The following MSI2 variants were observed in gnomAD, a reference collection of about 807,000 sequenced individuals.
The protein encoded by MSI2 is musashi RNA binding protein 2, also known as RNA-binding protein Musashi homolog 2.
In MSI2, 17 loss-of-function variants were observed where a neutral mutation model predicts 45.6. The observed-to-expected ratio is 0.37, with a 90% CI of 0.26 to 0.56. MSI2 has a LOEUF of 0.56. Ranked by LOEUF, MSI2 falls within the 20% of genes least tolerant of loss-of-function variation. The probability of loss-of-function intolerance (pLI) is 0.77; values close to 1 mark genes in which losing one functional copy is unlikely to be tolerated. For synonymous variants in MSI2, 156 were observed against 158.2 expected, an observed-to-expected ratio of 0.99 and a Z score of 0.11; for missense variants, 293 against 444.2, an observed-to-expected ratio of 0.66 and a Z score of 3.06.
chr17:57,400,043 A>G (rs1454163709), intron 5 of MSI2, among the ~76,000 whole-genome samples: 1 of 152,258 alleles, frequency 6.6e-6, no homozygotes, highest in African/African-American at 2.4e-5. Flanking sequence ...GAGTTGCAGT[A>G]GAAACAGATG....
At chr17:57,474,308 G>C (rs1161322717) in intron 6 of MSI2, among the ~76,000 whole-genome samples, 1 of 152,148 alleles carries the variant, frequency 6.6e-6, no homozygotes, top group East Asian at 1.9e-4. Flanking sequence ...TCTGGAAGCT[G>C]AGTCCCGGTG....
rs970754128 is a variant in MSI2, at chr17:57,680,087, G to A, written c.*570G>A. 1 of 228,354 alleles carries A rather than the reference G, an allele frequency of 4.4e-6. No homozygotes were observed. The highest frequency in any genetic ancestry group is 8.7e-6 in the Non-Finnish European group (1 of 115,034). The allele number at this position is 228,354 out of a possible 1,614,324, so 14.1% of individuals were successfully genotyped here. A position where few individuals can be genotyped will look rare whatever the true frequency, so the allele number is the denominator to read the frequency against. On this transcript the variant is annotated 3_prime_UTR_variant, in exon 14 of 14. Coordinates refer to ENST00000284073, the MANE Select transcript of MSI2 (RefSeq NM_138962.4). ...GAACTTTAGCACACACTGAAGCAAA[G>A]TTGTGAAGTGCAGGGCGGGAGGTGG...
chr17:57,413,810 T>C (rs1177821494), intron 6 of MSI2, among the ~76,000 whole-genome samples: 2 of 151,996 alleles, frequency 1.3e-5, no homozygotes, highest in Non-Finnish European at 2.9e-5. Flanking sequence ...GAGGCTTCGA[T>C]CTTGAAAAGC....
chr17:57,559,791 G>A (rs893798995), intron 7 of MSI2, among the ~76,000 whole-genome samples: 16 of 152,376 alleles, frequency 1.1e-4, no homozygotes, highest in Admixed American at 8.5e-4. Flanking sequence ...AAGGGCCAAG[G>A]CCACTGGACG....
intron 5 of MSI2, chr17:57,264,262 G>A (rs1315895283): frequency 1.3e-5 from 2 of 151,692 alleles, no homozygotes; most frequent in Non-Finnish European, 2.9e-5. Flanking sequence ...TTGAACCTTC[G>A]TTTTTCCATC....
intron 9 of MSI2, chr17:57,616,774 C>A (rs1473692774): frequency 6.6e-6 from 1 of 152,176 alleles, no homozygotes; most frequent in African/African-American, 2.4e-5. Flanking sequence ...AATTGAAAAT[C>A]TTACCGCTTA....
chr17:57,329,513 C>A (rs569565171), intron 5 of MSI2, among the ~76,000 whole-genome samples: 2 of 152,202 alleles, frequency 1.3e-5, no homozygotes, highest in South Asian at 4.2e-4. Flanking sequence ...TAATTTCTTA[C>A]CCCTCTGGGT....
At position 57,257,119 on chromosome 17, in the gene MSI2, G is replaced by A; in HGVS notation, c.84G>A (p.Leu28=). The stretch of plus-strand genomic sequence containing the variant: ...CTAGTAAAATGTTTATCGGTGGACT[G>A]AGCTGGCAGACCTCACCAGGTAAGG... The part of the protein sequence containing the change: ...HDPGKMFIGG[L]SWQTSPDSLR... The change falls in exon 2 of 14, where the codon CTG becomes CTA. Residue 28 remains leucine, a synonymous_variant. Transcript: ENST00000284073. The A allele has an allele frequency of 1.3e-6, 2 of 1,532,986 alleles. No individual in the cohort carries two copies. Among genetic ancestry groups the A allele is most frequent in the African/African-American group, 1.4e-5 (1 of 70,730 alleles). The allele number at this position is 1,532,986 out of a possible 1,614,324, so 95.0% of individuals were successfully genotyped here.
At chr17:57,342,753 A>G (rs1731310568) in intron 5 of MSI2, among the ~76,000 whole-genome samples, 1 of 152,240 alleles carries the variant, frequency 6.6e-6, no homozygotes, top group African/African-American at 2.4e-5. Context: ...AAAAAATTAG[A>G]AACCAAAATA....
At chr17:57,692,783 C>T in the MSI2 span, among the ~76,000 whole-genome samples, 34,732 of 151,882 alleles carry the variant, frequency 0.23, 4,629 homozygotes, top group African/African-American at 0.35. Context: ...TTCTGGCTTG[C>T]ATAATTTTGA....
At chr17:57,296,524 G>C (rs538963178) in intron 5 of MSI2, among the ~76,000 whole-genome samples, 1 of 152,244 alleles carries the variant, frequency 6.6e-6, no homozygotes, top group South Asian at 2.1e-4. Context: ...TTTCTTTGAC[G>C]ATAGGGAGAA....
At chr17:57,459,629 T>C (rs1335607604) in intron 6 of MSI2, among the ~76,000 whole-genome samples, 1 of 152,206 alleles carries the variant, frequency 6.6e-6, no homozygotes, top group Non-Finnish European at 1.5e-5. Context: ...TGGTAGGTCC[T>C]GGAGACAGGA....
chr17:57,502,303 G>C (rs2086123982), intron 6 of MSI2, among the ~76,000 whole-genome samples: 1 of 152,070 alleles, frequency 6.6e-6, no homozygotes, highest in African/African-American at 2.4e-5. Flanking sequence ...GTGGTACAGA[G>C]TTTAAGAGCA....
chr17:57,298,873 C>G (rs1255107665), intron 5 of MSI2, among the ~76,000 whole-genome samples: 1 of 152,206 alleles, frequency 6.6e-6, no homozygotes, highest in African/African-American at 2.4e-5. Flanking sequence ...CTTCTCCTCT[C>G]TAGCTATCAA....
intron 7 of MSI2, among the ~76,000 whole-genome samples, chr17:57,575,334 G>A (rs1405095748): frequency 3.9e-5 from 6 of 152,062 alleles, no homozygotes; most frequent in East Asian, 3.9e-4. Context: ...CTATCTTGTC[G>A]GTGGAAGTGG....
At chr17:57,257,216 G>GCCCCCCCCCCCCCC (rs371473884) in intron 2 of MSI2, 78 bp downstream of exon 2, 1 of 190,574 alleles carries the variant, frequency 5.2e-6, no homozygotes, top group African/African-American at 1.1e-4. Context: ...CGGTGTAGGA[G>GCCCCCCCCCCCCCC]CCCCCCCCCC....
At chr17:57,475,371 T>C (rs1475396628) in intron 6 of MSI2, among the ~76,000 whole-genome samples, 1 of 152,096 alleles carries the variant, frequency 6.6e-6, no homozygotes, top group Non-Finnish European at 1.5e-5. Flanking sequence ...CAAGGACACA[T>C]GCGTGCACAC....
intron 7 of MSI2, among the ~76,000 whole-genome samples, chr17:57,575,109 C>T (rs1017616197): frequency 2.6e-5 from 4 of 151,622 alleles, no homozygotes; most frequent in Non-Finnish European, 5.9e-5. Flanking sequence ...GAATTACAGG[C>T]GTGAGCCACT....
At chr17:57,688,625 A>G (rs1246374935), downstream of MSI2, among the ~76,000 whole-genome samples, 3 of 152,162 alleles carry the variant, frequency 2.0e-5, no homozygotes, top group African/African-American at 7.2e-5. Flanking sequence ...ATACATATAT[A>G]TGTATGTGTG....
Sources: gnomAD v4.1 joint callset for allele counts (sites outside exome capture counted in the v4.1 genomes callset) on GRCh38, gnomAD v4.1.1 for gene constraint, MANE v1.5 for transcripts, NCBI Gene and HGNC (gene_info 2026-07-23, HGNC 2026-07-21) for gene names.